The following PATJ variants were observed in gnomAD, a reference collection of about 807,000 sequenced individuals.
PATJ encodes the protein inaD-like protein.
A neutral mutation model predicts 224.9 loss-of-function variants in PATJ; 190 were observed. The observed-to-expected ratio is 0.84, with a 90% confidence interval of 0.75 to 0.95. PATJ has a LOEUF of 0.95. PATJ is among the 40% of genes least tolerant of loss of function. PATJ has a pLI of 0.00. For synonymous variants in PATJ, 769 were observed against 820.3 expected (o/e 0.94, Z 1.07); for missense variants, 2,121 against 2,270.3 (o/e 0.93, Z 1.34).
chr1:61,980,743 G>A (rs996103633), intron 27 of PATJ, among the ~76,000 whole-genome samples: 7 of 152,064 alleles, frequency 4.6e-5, no homozygotes, highest in Non-Finnish European at 1.0e-4. Flanking sequence ...CAGGCCATGC[G>A]GGGTTCCCCG....
At chr1:62,051,632 T>G (rs1653647118) in intron 31 of PATJ, among the ~76,000 whole-genome samples, 1 of 152,194 alleles carries the variant, frequency 6.6e-6, no homozygotes, top group South Asian at 2.1e-4. Context: ...TGGCCTGCAA[T>G]TTATCCTTTA....
intron 14 of PATJ, among the ~76,000 whole-genome samples, chr1:61,812,078 T>C (rs534786926): frequency 2.3e-4 from 35 of 151,794 alleles, no homozygotes; most frequent in Non-Finnish European, 3.5e-4. Context: ...AAACACTATA[T>C]TTTTCATCTA....
At chr1:61,992,973 A>G (rs1322942739) in intron 28 of PATJ, among the ~76,000 whole-genome samples, 3 of 152,198 alleles carry the variant, frequency 2.0e-5, no homozygotes, top group Admixed American at 6.5e-5. Flanking sequence ...ATACCAAGCA[A>G]TTCTTCAGCT....
intron 31 of PATJ, among the ~76,000 whole-genome samples, chr1:62,060,264 C>A (rs1558110058): frequency 6.6e-6 from 1 of 152,138 alleles, no homozygotes; most frequent in Non-Finnish European, 1.5e-5. Flanking sequence ...AGTTAATGCA[C>A]GTGCTCAAAG....
chr1:61,956,137 A>C (rs1434641116), intron 27 of PATJ, among the ~76,000 whole-genome samples: 1 of 152,222 alleles, frequency 6.6e-6, no homozygotes, highest in Non-Finnish European at 1.5e-5. Flanking sequence ...CACGCTGCCC[A>C]GTATGAGCCA....
At chr1:61,744,584 C>T (rs1280429087) in intron 1 of PATJ, among the ~76,000 whole-genome samples, 2 of 152,314 alleles carry the variant, frequency 1.3e-5, no homozygotes, top group South Asian at 4.1e-4. Context: ...TTTGCCCTTA[C>T]TAGTCCAGAT....
intron 27 of PATJ, among the ~76,000 whole-genome samples, chr1:61,947,058 G>A (rs1678841908): frequency 6.6e-6 from 1 of 152,092 alleles, no homozygotes; most frequent in African/African-American, 2.4e-5. Context: ...GGTATTGATG[G>A]GATGTATCTC....
rs1223678361 is a variant in PATJ, at chr1:61,912,719, A to G, written c.3493-1868A>G. 4.5e-3 allele frequency among the ~76,000 whole-genome samples: 227 copies of G among 50,514 alleles called. 3 individuals are homozygous for G. The highest frequency in any genetic ancestry group is 0.016 in the African/African-American group (206 of 12,532). The allele number at this position is 50,514 out of a possible 152,430, so 33.1% of individuals were successfully genotyped here. A position where few individuals can be genotyped will look rare whatever the true frequency, so the allele number is the denominator to read the frequency against. On this transcript the variant is annotated intron_variant, in intron 25 of 43. Transcript: ENST00000642238. The stretch of plus-strand genomic sequence containing the variant: ...AAGAGGGGAGGGGAAGGTAGAGAGG[A>G]GGGGAGGGGAGGGAAGGCAGCGTAA...
chr1:62,069,360 T>G (rs908404779), intron 31 of PATJ, among the ~76,000 whole-genome samples: 2 of 152,182 alleles, frequency 1.3e-5, no homozygotes, highest in African/African-American at 4.8e-5. Flanking sequence ...ATACCTCAAT[T>G]ATATTATAAG....
intron 7 of PATJ, among the ~76,000 whole-genome samples, chr1:61,778,419 C>T (rs911568031): frequency 3.3e-5 from 5 of 152,130 alleles, no homozygotes; most frequent in African/African-American, 1.2e-4. Flanking sequence ...AAAATAGTGT[C>T]TGAAAGTTTG....
chr1:61,812,302 C>T (rs924955868), intron 14 of PATJ, among the ~76,000 whole-genome samples: 2 of 149,758 alleles, frequency 1.3e-5, no homozygotes, highest in African/African-American at 2.5e-5. Flanking sequence ...TATCTCTGTC[C>T]AGAGAGGTCT....
At chr1:62,000,197 T>TG (rs1443777458) in intron 28 of PATJ, among the ~76,000 whole-genome samples, 2 of 141,066 alleles carry the variant, frequency 1.4e-5, no homozygotes, top group South Asian at 4.6e-4. Flanking sequence ...CCTAGAGTTT[T>TG]TTGTTTTTTT....
In PATJ at chr1:62,060,648, C is replaced by A. The variant is rs183051840; in HGVS notation, c.4125+9590C>A. Among the ~76,000 whole-genome samples the A allele has an allele frequency of 4.1e-3, 622 of 152,016 alleles. 3 individuals are homozygous for A. The highest frequency in any genetic ancestry group is 6.5e-3 in the Non-Finnish European group (440 of 67,988). On this transcript the variant is annotated intron_variant, in intron 31 of 43. Transcript: ENST00000642238. ...GTGGTAGGTGGGAGGGAGTGAGGAT[C>A]GTATTAGATAATGTAAGTAAATCTC...
At chr1:62,021,667 T>C (rs1220939251) in intron 29 of PATJ, among the ~76,000 whole-genome samples, 1 of 152,174 alleles carries the variant, frequency 6.6e-6, no homozygotes, top group East Asian at 1.9e-4. Flanking sequence ...TTTCCCAAAT[T>C]AGCTAAGTTT....
chr1:61,881,442 G>A (rs76322363), intron 21 of PATJ, among the ~76,000 whole-genome samples: 16,241 of 137,040 alleles, frequency 0.12, 1,116 homozygotes, highest in South Asian at 0.24. Flanking sequence ...ACAGAGTCTT[G>A]CTCTGTCACT....
At position 61,787,911 on chromosome 1, in the gene PATJ, C is replaced by T. The variant is rs142273680; in HGVS notation, c.1007C>T (p.Pro336Leu). 2.5e-6 allele frequency: 4 copies of T among 1,613,880 alleles called. No individual in the cohort carries two copies. Among genetic ancestry groups the T allele is most frequent in the African/African-American group, 2.7e-5 (2 of 74,898 alleles). Reference sequence around the variant, plus strand: ...CCAGCTGGTGACATTTCAGTCACCCCCCCTGCCCCTGCAGCCTTACCTGTT... The same window carrying T: ...CCAGCTGGTGACATTTCAGTCACCCTCCCTGCCCCTGCAGCCTTACCTGTT... Reference protein sequence around the residue: ...RDPAGDISVTPPAPAALPVAL... With the variant: ...RDPAGDISVTLPAPAALPVAL... The change falls in exon 8 of 44, where the codon CCC becomes CTC. Residue 336 changes from proline to leucine, a missense_variant. Transcript: ENST00000642238.
chr1:61,764,941 A>G (rs963148216), intron 3 of PATJ, among the ~76,000 whole-genome samples: 1 of 152,036 alleles, frequency 6.6e-6, no homozygotes, highest in Non-Finnish European at 1.5e-5. Flanking sequence ...CCCTATCCTA[A>G]TAACAATTCT....
At chr1:61,939,655 T>C (rs1269911060) in intron 27 of PATJ, among the ~76,000 whole-genome samples, 4 of 148,092 alleles carry the variant, frequency 2.7e-5, no homozygotes, top group South Asian at 2.1e-4. Context: ...TTTGGCAGCA[T>C]GTATAAAAAG....
intron 28 of PATJ, among the ~76,000 whole-genome samples, chr1:61,994,511 A>G (rs936957939): frequency 3.9e-5 from 6 of 152,030 alleles, no homozygotes; most frequent in African/African-American, 1.4e-4. Context: ...GCTCTATGCA[A>G]CATCCTGAAG....
Sources: gnomAD v4.1 joint callset for allele counts (sites outside exome capture counted in the v4.1 genomes callset) on GRCh38, gnomAD v4.1.1 for gene constraint, MANE v1.5 for transcripts, NCBI Gene and HGNC (gene_info 2026-07-23, HGNC 2026-07-21) for gene names.